TMEM132C: variants seen among roughly 807,000 people sequenced by gnomAD.
The protein encoded by TMEM132C is transmembrane protein 132C.
A neutral mutation model predicts 61.4 loss-of-function variants in TMEM132C; 29 were observed. That is an observed-to-expected ratio of 0.47 (90% CI 0.35 to 0.64). The LOEUF (loss-of-function observed/expected upper bound fraction) is 0.64, where lower values mean the gene tolerates loss of function less well. TMEM132C is among the 30% of genes least tolerant of loss of function. The pLI, the probability that TMEM132C is intolerant of heterozygous loss-of-function variation, is 0.00. For missense variants in TMEM132C, 1,408 were observed against 1,476.9 expected (o/e 0.95, Z 0.76); for synonymous variants, 656 against 633.1 (o/e 1.04, Z -0.54).
At chr12:128,402,265 T>C (rs903022641) in intron 1 of TMEM132C, among the ~76,000 whole-genome samples, 2 of 152,140 alleles carry the variant, frequency 1.3e-5, no homozygotes, top group African/African-American at 4.8e-5. Flanking sequence ...TTCATGGGTA[T>C]ATGTGAGGGA....
intron 1 of TMEM132C, among the ~76,000 whole-genome samples, chr12:128,300,802 G>A (rs762125426): frequency 1.8e-4 from 27 of 152,294 alleles, no homozygotes; most frequent in African/African-American, 5.8e-4. Flanking sequence ...TTTGGGAGAC[G>A]TAAGCGGGAG....
At chr12:128,515,780 A>T (rs1872698474) in intron 2 of TMEM132C, among the ~76,000 whole-genome samples, 1 of 151,962 alleles carries the variant, frequency 6.6e-6, no homozygotes. Flanking sequence ...GTTTGCAGTG[A>T]GCCGAGATGG....
chr12:128,463,184 C>T (rs1331554775), intron 2 of TMEM132C, among the ~76,000 whole-genome samples: 1 of 152,162 alleles, frequency 6.6e-6, no homozygotes, highest in Non-Finnish European at 1.5e-5. Flanking sequence ...CACATGGCCT[C>T]ATCTTTATAT....
chr12:128,669,413 G>T lies in TMEM132C; in HGVS notation c.1306-4G>T. Reference sequence around the variant, plus strand: ...GACCCAGTGTGTTTGATTCTTTTTGGCAGGACACTGAAATTCTGAACACCG... The same window carrying T: ...GACCCAGTGTGTTTGATTCTTTTTGTCAGGACACTGAAATTCTGAACACCG... On this transcript the variant is annotated splice_polypyrimidine_tract_variant and splice_region_variant and intron_variant, in intron 4 of 8. Coordinates refer to ENST00000435159, the MANE Select transcript of TMEM132C (RefSeq NM_001136103.3). 1 of 1,551,286 alleles carries T rather than the reference G, an allele frequency of 6.4e-7. No homozygotes were observed. Among genetic ancestry groups the T allele is most frequent in the Non-Finnish European group, 8.7e-7 (1 of 1,146,848 alleles).
intron 1 of TMEM132C, among the ~76,000 whole-genome samples, chr12:128,345,320 G>A (rs529322622): frequency 1.3e-5 from 2 of 152,246 alleles, no homozygotes; most frequent in African/African-American, 4.8e-5. Flanking sequence ...TGGACACTTA[G>A]GTTGATTCCA....
chr12:128,288,392 G>A (rs1185239682), intron 1 of TMEM132C: 1 of 152,300 alleles, frequency 6.6e-6, no homozygotes, highest in African/African-American at 2.4e-5. Context: ...TATTGTGGCT[G>A]AAGGGCTCAG....
At chr12:128,302,280 C>T (rs1369075770) in intron 1 of TMEM132C, among the ~76,000 whole-genome samples, 1 of 152,184 alleles carries the variant, frequency 6.6e-6, no homozygotes, top group East Asian at 1.9e-4. Context: ...AAGGAGCTGA[C>T]CACTGTCATC....
chr12:128,572,878 A>C (rs1401503340), intron 3 of TMEM132C, among the ~76,000 whole-genome samples: 5 of 152,260 alleles, frequency 3.3e-5, no homozygotes, highest in Non-Finnish European at 7.3e-5. Context: ...ATACCAGAGA[A>C]ATGCAAATCA....
At chr12:128,449,376 T>C (rs1870106786) in intron 2 of TMEM132C, among the ~76,000 whole-genome samples, 1 of 152,174 alleles carries the variant, frequency 6.6e-6, no homozygotes, top group African/African-American at 2.4e-5. Flanking sequence ...GGAGGCGTTT[T>C]TGTTTACAGT....
rs986186611 is a variant in TMEM132C at position 128,594,403 on chromosome 12, C to T, written c.1122-21749C>T. ...ACACTGGAATGAAAGCTCCACGGGA[C>T]ATGGGGTCTTTGTTTTGTGGCTGCT... On this transcript the variant is annotated intron_variant, in intron 3 of 8. Transcript: ENST00000435159. Among the ~76,000 whole-genome samples the T allele has an allele frequency of 5.3e-5, 8 of 150,152 alleles. No individual in the cohort carries two copies. The East Asian group carries it at 1.4e-3, about 26-fold the overall frequency.
In TMEM132C at chr12:128,324,106, G is replaced by A. The variant is rs534613796; in HGVS notation, c.85+56619G>A. ...GGACGTGTGATCTGCTTAGAGAGTC[G>A]CTGTGGGCCAGTCTTTATTCAGTGT... is the stretch of plus-strand genomic sequence containing the variant. On this transcript the variant is annotated intron_variant, in intron 1 of 8. Coordinates refer to ENST00000435159, the MANE Select transcript of TMEM132C (RefSeq NM_001136103.3). 3.9e-4 allele frequency among the ~76,000 whole-genome samples: 60 copies of A among 152,272 alleles called. No individual in the cohort carries two copies. In the South Asian group the frequency reaches 0.011, roughly 29 times the overall value.
chr12:128,647,723 TGTGA>T (rs1954220765), intron 4 of TMEM132C, among the ~76,000 whole-genome samples: 1 of 151,024 alleles, frequency 6.6e-6, no homozygotes, highest in Admixed American at 6.6e-5. Context: ...CAGTGTTGGA[TGTGA>T]GTGTGTTCAC....
chr12:128,383,056 CTGTA>C (rs1475182302), intron 1 of TMEM132C, among the ~76,000 whole-genome samples: 6 of 151,690 alleles, frequency 4.0e-5, no homozygotes, highest in Non-Finnish European at 7.4e-5. Flanking sequence ...ACGTGAGCAT[CTGTA>C]TGTATGTGTA....
chr12:128,289,631 CAG>C (rs1020630433), intron 1 of TMEM132C, among the ~76,000 whole-genome samples: 3 of 152,212 alleles, frequency 2.0e-5, no homozygotes, highest in African/African-American at 7.2e-5. Flanking sequence ...TCTTCAAAGA[CAG>C]AAAATTGCTG....
intron 2 of TMEM132C, among the ~76,000 whole-genome samples, chr12:128,541,585 T>A (rs1295781964): frequency 6.6e-6 from 1 of 152,218 alleles, no homozygotes; most frequent in Non-Finnish European, 1.5e-5. Flanking sequence ...GAAACAGGGA[T>A]GAGTACCAGA....
chr12:128,505,262 A>G (rs953266109), intron 2 of TMEM132C, among the ~76,000 whole-genome samples: 4 of 152,184 alleles, frequency 2.6e-5, no homozygotes, highest in African/African-American at 9.6e-5. Flanking sequence ...ATCAACCAAC[A>G]GTCTTGAGAG....
intron 1 of TMEM132C, among the ~76,000 whole-genome samples, chr12:128,337,640 CG>C (rs1872823328): frequency 1.3e-5 from 2 of 152,224 alleles, no homozygotes; most frequent in Admixed American, 6.5e-5. Context: ...GTTGCAAACC[CG>C]GGGAGGTCTC....
intron 1 of TMEM132C, among the ~76,000 whole-genome samples, chr12:128,391,601 AT>A (rs1260277445): frequency 6.6e-6 from 1 of 152,256 alleles, no homozygotes; most frequent in Non-Finnish European, 1.5e-5. Flanking sequence ...TTTTATATGC[AT>A]TGACATAGTT....
chr12:128,479,214 G>A (rs995691845), intron 2 of TMEM132C, among the ~76,000 whole-genome samples: 2 of 152,198 alleles, frequency 1.3e-5, no homozygotes, highest in African/African-American at 4.8e-5. Context: ...TTCAGAGGGT[G>A]GAGGGTGCGA....
Sources: allele counts gnomAD v4.1 joint callset (sites outside exome capture counted in the v4.1 genomes callset), GRCh38; gene constraint gnomAD v4.1.1; transcripts MANE v1.5; gene names NCBI Gene and HGNC (gene_info 2026-07-23, HGNC 2026-07-21).